PRPF4: variants seen among roughly 807,000 people sequenced by gnomAD.
The protein encoded by PRPF4 is pre-mRNA splicing tri-snRNP complex factor PRPF4.
In PRPF4, 14 loss-of-function variants were observed where a neutral mutation model predicts 72.2. That is an observed-to-expected ratio of 0.19 (90% CI 0.13 to 0.30). The LOEUF is 0.30. PRPF4 is among the 10% of genes least tolerant of loss of function. The pLI, the probability that PRPF4 is intolerant of heterozygous loss-of-function variation, is 1.00. For synonymous variants in PRPF4, 225 were observed against 232.2 expected (o/e 0.97, Z 0.28); for missense variants, 478 against 653.9 (o/e 0.73, Z 2.93).
chr9:113,284,807 CT>C (rs1213818897), intron 7 of PRPF4, among the ~76,000 whole-genome samples: 3 of 152,152 alleles, frequency 2.0e-5, no homozygotes, highest in Non-Finnish European at 2.9e-5. Flanking sequence ...GGCATTTTGC[CT>C]TGACAGTGCC....
chr9:113,280,887 G>A (rs1832260982), intron 3 of PRPF4, among the ~76,000 whole-genome samples: 1 of 151,814 alleles, frequency 6.6e-6, no homozygotes, highest in African/African-American at 2.4e-5. Context: ...GTCACCCAGG[G>A]TGGAGTGCGG....
Position 113,292,642 on chromosome 9 carries a change from A to T in PRPF4, c.*982A>T, listed in dbSNP as rs1832642747. On this transcript the variant is annotated 3_prime_UTR_variant, in exon 14 of 14. Coordinates refer to ENST00000374198, the MANE Select transcript of PRPF4 (RefSeq NM_001244926.2). Reference sequence around the variant, plus strand: ...AGTTTGGCAACCTTCATGTTACCCCAAAGCAAAACCATTGTGTCAGGAGTC... The same window carrying T: ...AGTTTGGCAACCTTCATGTTACCCCTAAGCAAAACCATTGTGTCAGGAGTC... The T allele has an allele frequency of 6.6e-6, 1 of 152,214 alleles. No individual in the cohort carries two copies. The highest frequency in any genetic ancestry group is 6.5e-5 in the Admixed American group (1 of 15,286). 9.4% of individuals were successfully genotyped at this position (152,214 alleles called of 1,614,324 possible).
intron 2 of PRPF4, among the ~76,000 whole-genome samples, 189 bp from the exon 3 acceptor site, chr9:113,278,756 T>A (rs948425923): frequency 6.6e-6 from 1 of 152,238 alleles, no homozygotes; most frequent in East Asian, 1.9e-4. Context: ...ACCATTTTCT[T>A]GCCTTTTGAA....
intron 2 of PRPF4, 77 bp downstream of exon 2, chr9:113,276,802 A>G: frequency 1.4e-6 from 2 of 1,455,980 alleles, no homozygotes; most frequent in South Asian, 1.4e-5. Context: ...CCACAGTTTT[A>G]TAATGTCAAA....
intron 2 of PRPF4, among the ~76,000 whole-genome samples, chr9:113,277,514 T>A (rs1832146486): frequency 6.6e-6 from 1 of 152,008 alleles, no homozygotes; most frequent in African/African-American, 2.4e-5. Context: ...GCCTCCCGAT[T>A]AGCTGAGATT....
intron 3 of PRPF4, among the ~76,000 whole-genome samples, chr9:113,281,043 G>A (rs938133443): frequency 3.3e-5 from 5 of 152,074 alleles, no homozygotes; most frequent in Non-Finnish European, 7.4e-5. Flanking sequence ...GTTTCAACAC[G>A]TTGGCCAGGT....
Position 113,282,498 on chromosome 9 carries a change from T to C in PRPF4, c.393-148T>C, listed in dbSNP as rs1832311656. 2.4e-5 allele frequency: 13 copies of C among 548,494 alleles called. No homozygotes were observed. In the South Asian group the frequency reaches 4.0e-4, roughly 17 times the overall value. 34.0% of individuals were successfully genotyped at this position (548,494 alleles called of 1,614,324 possible). A position where few individuals can be genotyped will look rare whatever the true frequency, so the allele number is the denominator to read the frequency against. ...AAAAGAAAAAAAAAAGGTTGCTAGG[T>C]GGTTTGAACAGTGAGAGAATAGTAA... On this transcript the variant is annotated intron_variant, in intron 3 of 13. Coordinates refer to ENST00000374198, the MANE Select transcript of PRPF4 (RefSeq NM_001244926.2).
intron 7 of PRPF4, among the ~76,000 whole-genome samples, chr9:113,285,502 C>G (rs571922594): frequency 5.3e-5 from 8 of 150,422 alleles, no homozygotes; most frequent in Admixed American, 5.3e-4. Context: ...CCTCAGCCTC[C>G]CAAGTAGCTG....
Position 113,282,870 on chromosome 9 carries a change from T to A in PRPF4, c.480+137T>A, listed in dbSNP as rs1053674767. The A allele has an allele frequency of 3.5e-5, 34 of 978,902 alleles. No homozygotes were observed. In the African/African-American group the frequency reaches 5.6e-4, roughly 16 times the overall value. 60.6% of individuals were successfully genotyped at this position (978,902 alleles called of 1,614,324 possible). The stretch of plus-strand genomic sequence containing the variant: ...TGAAGGCTCTACCATTCAAGAAGAG[T>A]TGCTGGCAGTAGTTTTGGTTCCTTT... On this transcript the variant is annotated intron_variant, in intron 4 of 13. Coordinates refer to ENST00000374198, the MANE Select transcript of PRPF4 (RefSeq NM_001244926.2).
intron 7 of PRPF4, among the ~76,000 whole-genome samples, chr9:113,285,723 G>C (rs557500685): frequency 1.3e-5 from 2 of 152,044 alleles, no homozygotes; most frequent in African/African-American, 2.4e-5. Flanking sequence ...ACGTTAGCCA[G>C]GTGTGGTGGC....
chr9:113,289,082 C>A (rs570754647), intron 10 of PRPF4, among the ~76,000 whole-genome samples: 9 of 152,340 alleles, frequency 5.9e-5, no homozygotes, highest in Non-Finnish European at 1.3e-4. Context: ...GATCTGACTT[C>A]TATCACCACA....
At chr9:113,276,847 G>T (rs139873395) in intron 2 of PRPF4, 122 bp downstream of exon 2, 5 of 1,134,278 alleles carry the variant, frequency 4.4e-6, no homozygotes, top group East Asian at 2.6e-5. Flanking sequence ...ACAGAGTCTC[G>T]CTCTGTCGCC....
chr9:113,291,713 C>G lies in PRPF4; in HGVS notation c.*53C>G. ...CAAGCTCTCTCTAAGGAGCTGTTTTCCTCAAACGAGAAGAATTGAAGTGTT... is the reference window on the plus strand; with the variant it reads ...CAAGCTCTCTCTAAGGAGCTGTTTTGCTCAAACGAGAAGAATTGAAGTGTT... On this transcript the variant is annotated 3_prime_UTR_variant, in exon 14 of 14. Transcript: ENST00000374198. The G allele has an allele frequency of 6.4e-7, 1 of 1,550,518 alleles. No homozygotes were observed. Among genetic ancestry groups the G allele is most frequent in the Non-Finnish European group, 8.8e-7 (1 of 1,130,406 alleles).
At chr9:113,283,073 GT>G in intron 4 of PRPF4, 58 bp from the exon 5 acceptor site, 1 of 1,610,790 alleles carries the variant, frequency 6.2e-7, no homozygotes, top group Admixed American at 1.7e-5. Context: ...AGAAATGACA[GT>G]TATAAGAGGA....
At chr9:113,284,000 G>A (rs1008800049) in intron 6 of PRPF4, among the ~76,000 whole-genome samples, 8 of 151,084 alleles carry the variant, frequency 5.3e-5, no homozygotes, top group African/African-American at 1.5e-4. Flanking sequence ...CCCGGGAGGC[G>A]GAGGTTGCAG....
At chr9:113,278,363 G>C (rs1205325951) in intron 2 of PRPF4, among the ~76,000 whole-genome samples, 1 of 152,202 alleles carries the variant, frequency 6.6e-6, no homozygotes, top group East Asian at 1.9e-4. Context: ...CTGTAGCCTA[G>C]TGACTTTTTA....
chr9:113,278,967 G>T lies in PRPF4; in HGVS notation c.228G>T (p.Glu76Asp), dbSNP rs533143293. Residue 76 changes from glutamate (E) to aspartate (D), a missense_variant, in exon 3 of 14, where the codon GAG becomes GAT. By Grantham distance (45) the Glu-to-Asp change is conservative. Coordinates refer to ENST00000374198, the MANE Select transcript of PRPF4 (RefSeq NM_001244926.2). ...ITSGEVFEIE[E>D]HISERQAEVL... ...TAGGAGAAGTGTTTGAAATTGAAGA[G>T]CATATCAGCGAGCGACAGGCAGAAG... 1 of 1,614,210 alleles carries T rather than the reference G, an allele frequency of 6.2e-7. No individual in the cohort carries two copies. The highest frequency in any genetic ancestry group is 2.2e-5 in the East Asian group (1 of 44,880).
In PRPF4 at chr9:113,291,533, G is replaced by T; in HGVS notation, c.1439G>T (p.Gly480Val). The T allele has an allele frequency of 6.2e-7, 1 of 1,614,132 alleles. No homozygotes were observed. The highest frequency in any genetic ancestry group is 8.5e-7 in the Non-Finnish European group (1 of 1,180,022). Reference sequence around the variant, plus strand: ...ACAGCCAAGATCTGGACGCACCCAGGCTGGTCCCCGCTGAAGACTCTGGCT... The same window carrying T: ...ACAGCCAAGATCTGGACGCACCCAGTCTGGTCCCCGCTGAAGACTCTGGCT... ...DNTAKIWTHP[G>V]WSPLKTLAGH... is the part of the protein sequence containing the mutation. Residue 480 changes from glycine to valine, a missense_variant, in exon 14 of 14, where the codon GGC becomes GTC. Gly to Val is a moderately radical substitution (Grantham distance 109, BLOSUM62 -3). Transcript: ENST00000374198.
At position 113,288,163 on chromosome 9, in the gene PRPF4, G is replaced by A. The variant is rs762402454; in HGVS notation, c.933-12G>A. On this transcript the variant is annotated splice_polypyrimidine_tract_variant and intron_variant, in intron 9 of 13. Coordinates refer to ENST00000374198, the MANE Select transcript of PRPF4 (RefSeq NM_001244926.2). ...GTCTATAAAATTGTTTATATGTTTGGTTCCTTTCCAGTGATGAACCAGTGG... is the reference window on the plus strand; with the variant it reads ...GTCTATAAAATTGTTTATATGTTTGATTCCTTTCCAGTGATGAACCAGTGG... The A allele has an allele frequency of 1.3e-5, 21 of 1,613,558 alleles. No individual in the cohort carries two copies. In the Admixed American group the frequency reaches 3.5e-4, roughly 27 times the overall value.
Sources: allele counts gnomAD v4.1 joint callset (sites outside exome capture counted in the v4.1 genomes callset), GRCh38; gene constraint gnomAD v4.1.1; transcripts MANE v1.5; gene names NCBI Gene and HGNC (gene_info 2026-07-23, HGNC 2026-07-21).